Variants in AZIN2 observed in about 807,000 individuals in gnomAD.
AZIN2 encodes antizyme inhibitor 2.
Under a neutral mutation model 47.8 loss-of-function variants are expected in AZIN2, and 28 were observed. The observed-to-expected ratio is 0.59, with a 90% CI of 0.43 to 0.80. AZIN2 has a LOEUF of 0.80. Among genes scored for constraint, AZIN2 ranks in the 30% least tolerant of loss-of-function variants. The probability of loss-of-function intolerance (pLI) is 0.00; values close to 1 mark genes in which losing one functional copy is unlikely to be tolerated. For missense variants in AZIN2, 535 were observed against 582.5 expected (o/e 0.92, Z 0.84); for synonymous variants, 221 against 239.4 (o/e 0.92, Z 0.71).
intron 5 of AZIN2, among the ~76,000 whole-genome samples, chr1:33,089,757 A>G (rs1642326711): frequency 1.3e-5 from 2 of 152,218 alleles, no homozygotes; most frequent in African/African-American, 4.8e-5. Context: ...TTCATAGCAT[A>G]GTCATTGGGA....
At chr1:33,114,923 G>A (rs1162689451) in intron 10 of AZIN2, among the ~76,000 whole-genome samples, 2 of 150,878 alleles carry the variant, frequency 1.3e-5, no homozygotes, top group East Asian at 3.9e-4. Context: ...GATTACAGGC[G>A]TGAGCCACCG....
intron 3 of AZIN2, 65 bp from the exon 4 acceptor site, chr1:33,082,113 G>T (rs1242100239): frequency 5.5e-6 from 4 of 722,332 alleles, no homozygotes; most frequent in South Asian, 3.2e-5. Context: ...CCCTGGCCTC[G>T]GGAGGCGAGT....
In AZIN2 at chr1:33,121,293, G is replaced by C. The variant is rs936145372; in HGVS notation, c.*1111G>C. ...TTTTAAATGCAGAAGCCTGGGTGCA[G>C]TGGCTCACACCTGTAATCCCAGCAC... On this transcript the variant is annotated 3_prime_UTR_variant, in exon 12 of 12. Coordinates refer to ENST00000294517, the MANE Select transcript of AZIN2 (RefSeq NM_052998.4). Among the ~76,000 whole-genome samples the C allele has an allele frequency of 1.3e-5, 2 of 152,232 alleles. No individual in the cohort carries two copies. Among genetic ancestry groups the C allele is most frequent in the Admixed American group, 6.5e-5 (1 of 15,282 alleles).
intron 8 of AZIN2, 84 bp downstream of exon 8, chr1:33,094,797 T>C: frequency 6.8e-7 from 1 of 1,469,530 alleles, no homozygotes; most frequent in Non-Finnish European, 9.4e-7. Flanking sequence ...GAGACCACCG[T>C]GCGTGGGTCC....
At chr1:33,133,336 T>C in the AZIN2 span, among the ~76,000 whole-genome samples, 1 of 152,256 alleles carries the variant, frequency 6.6e-6, no homozygotes. Flanking sequence ...ATGTCACTCT[T>C]AAATGTCACA....
intron 10 of AZIN2, among the ~76,000 whole-genome samples, chr1:33,099,924 C>T (rs544009811): frequency 1.3e-5 from 2 of 152,294 alleles, no homozygotes; most frequent in East Asian, 3.9e-4. Context: ...GGTATCCGTA[C>T]CTTCTTTCCC....
the AZIN2 span, among the ~76,000 whole-genome samples, chr1:33,140,092 GGGGGTCCCTAAGAGGAAAGAGGGGAGAGA>G: frequency 6.6e-6 from 1 of 152,118 alleles, no homozygotes; most frequent in Non-Finnish European, 1.5e-5. The surrounding 1 kb of genome is among the most constrained non-coding windows in gnomAD (Gnocchi z 4.0). Context: ...TGTGGCAGAG[GGGGGTCCCTAAGAGGAAAGAGGGGAGAGA>G]GGGGTACCAA....
rs376906172 is a variant in AZIN2, at chr1:33,109,261, C to T, written c.1030-8641C>T. On this transcript the variant is annotated intron_variant, in intron 10 of 11. Transcript: ENST00000294517. ...TATATTTTGGATAACAGTCCTTTAT[C>T]AGATGTGTCTTTTGCAACTATTTTC... Among the ~76,000 whole-genome samples the T allele has an allele frequency of 4.6e-5, 7 of 151,174 alleles. No homozygotes were observed. The East Asian group carries it at 1.4e-3, about 29-fold the overall frequency.
At chr1:33,134,006 T>A in the AZIN2 span, among the ~76,000 whole-genome samples, 1 of 152,214 alleles carries the variant, frequency 6.6e-6, no homozygotes, top group Non-Finnish European at 1.5e-5. Flanking sequence ...GAAGCTGTGA[T>A]GCCAAGGCTG....
chr1:33,097,304 A>C (rs1195231059), intron 9 of AZIN2, among the ~76,000 whole-genome samples: 1 of 152,174 alleles, frequency 6.6e-6, no homozygotes, highest in East Asian at 1.9e-4. Flanking sequence ...CATTTGTTTG[A>C]GTCCACTTTA....
At chr1:33,104,009 A>C (rs1015784724) in intron 10 of AZIN2, among the ~76,000 whole-genome samples, 2 of 151,196 alleles carry the variant, frequency 1.3e-5, no homozygotes, top group African/African-American at 4.9e-5. Context: ...CAGCTTCCCG[A>C]GTAGCTGGGA....
the AZIN2 span, among the ~76,000 whole-genome samples, chr1:33,162,054 T>C: frequency 1.3e-5 from 2 of 152,106 alleles, no homozygotes. Flanking sequence ...CCCTCTGGGG[T>C]CCCACAGGTC....
chr1:33,153,217 T>C, the AZIN2 span, among the ~76,000 whole-genome samples: 1 of 152,114 alleles, frequency 6.6e-6, no homozygotes, highest in African/African-American at 2.4e-5. Flanking sequence ...TAAAGGGCTT[T>C]GGTGCTGGCA....
chr1:33,096,565 C>G, intron 8 of AZIN2, 142 bp from the exon 9 acceptor site: 1 of 1,009,146 alleles, frequency 9.9e-7, no homozygotes, highest in Admixed American at 2.2e-5. Flanking sequence ...CCACAGTTAT[C>G]AGCTGGGGCC....
At chr1:33,118,490 G>A (rs868093650) in intron 11 of AZIN2, 40 of 178,390 alleles carry the variant, frequency 2.2e-4, no homozygotes, top group African/African-American at 7.8e-4. Flanking sequence ...TTCAAGGCTC[G>A]CATGGAGAGT....
intron 9 of AZIN2, 181 bp downstream of exon 9, chr1:33,097,050 C>A (rs994709767): frequency 4.4e-6 from 3 of 677,698 alleles, no homozygotes; most frequent in African/African-American, 3.6e-5. Flanking sequence ...TATTTAGCAT[C>A]TTTTTTCCTA....
chr1:33,147,821 C>T, the AZIN2 span: 17 of 1,412,552 alleles, frequency 1.2e-5, no homozygotes, highest in East Asian at 1.4e-4. This position sits in a 1 kb window ranked among gnomAD's most constrained non-coding sequence, Gnocchi z 8.1. Flanking sequence ...CTGGTTGGTA[C>T]GCAGGAGGCC....
rs1175779443 is a variant in AZIN2, at chr1:33,121,560, T to A, written c.*1378T>A. ...ACCACTGCACTCCAGCCTGGGCGACTGAGCGAGACCCTGCCTCAAATAAAG... is the reference window on the plus strand; with the variant it reads ...ACCACTGCACTCCAGCCTGGGCGACAGAGCGAGACCCTGCCTCAAATAAAG... On this transcript the variant is annotated 3_prime_UTR_variant, in exon 12 of 12. Transcript: ENST00000294517. Among the ~76,000 whole-genome samples the A allele has an allele frequency of 6.6e-6, 1 of 152,162 alleles. No homozygotes were observed. Among genetic ancestry groups the A allele is most frequent in the Non-Finnish European group, 1.5e-5 (1 of 68,026 alleles).
chr1:33,104,833 G>A (rs1023064032), intron 10 of AZIN2, among the ~76,000 whole-genome samples: 3 of 152,236 alleles, frequency 2.0e-5, no homozygotes, highest in South Asian at 2.1e-4. Flanking sequence ...TGAATAGCTC[G>A]GACTACAGGC....
Sources: gnomAD v4.1 joint callset for allele counts (sites outside exome capture counted in the v4.1 genomes callset) on GRCh38, gnomAD v4.1.1 for gene constraint, Gnocchi (gnomAD v3.1) non-coding constraint, MANE v1.5 for transcripts, NCBI Gene and HGNC (gene_info 2026-07-23, HGNC 2026-07-21) for gene names.